The following HDHD5 variants were observed in gnomAD, a reference collection of about 807,000 sequenced individuals.
The protein encoded by HDHD5 is haloacid dehalogenase-like hydrolase domain-containing 5.
In HDHD5, 34 loss-of-function variants were observed where a neutral mutation model predicts 35.5. The observed-to-expected ratio is 0.96, with a 90% CI of 0.73 to 1.28. HDHD5 has a LOEUF of 1.28. Among genes scored for constraint, HDHD5 ranks in the 50% most tolerant of loss-of-function variants. The pLI is 0.00. For missense variants in HDHD5, 589 were observed against 560.2 expected (o/e 1.05, Z -0.52); for synonymous variants, 248 against 240.6 (o/e 1.03, Z -0.29).
chr22:17,158,964 C>G (rs1015426143), intron 1 of HDHD5, 162 bp downstream of exon 1: 21 of 597,448 alleles, frequency 3.5e-5, no homozygotes, highest in Non-Finnish European at 4.7e-5. Context: ...CAGGGCGCAT[C>G]CGCCCTCCAG....
At position 17,138,138 on chromosome 22, in the gene HDHD5, G is replaced by A; in HGVS notation, c.1155C>T (p.Phe385=). The A allele has an allele frequency of 6.2e-7, 1 of 1,614,168 alleles. No individual in the cohort carries two copies. Among genetic ancestry groups the A allele is most frequent in the Non-Finnish European group, 8.5e-7 (1 of 1,180,014 alleles). The change falls in exon 8 of 8, where the codon TTC becomes TTT. Residue 385 remains phenylalanine, a synonymous_variant. Coordinates refer to ENST00000336737, the MANE Select transcript of HDHD5 (RefSeq NM_033070.3). The part of the protein sequence containing the change: ...EPVLGGGEPP[F]HGHRDLCFSP... The stretch of plus-strand genomic sequence containing the variant: ...TGAAGCATAAGTCTCGGTGCCCGTG[G>A]AATGGAGGCTCCCCTCCTCCAAGGA...
chr22:17,155,572 T>C (rs1432979333), intron 1 of HDHD5, among the ~76,000 whole-genome samples: 1 of 152,102 alleles, frequency 6.6e-6, no homozygotes, highest in South Asian at 2.1e-4. Context: ...AAAATAAGAA[T>C]CCATAGCCCC....
upstream of HDHD5, among the ~76,000 whole-genome samples, chr22:17,163,331 T>C (rs1203957627): frequency 5.3e-5 from 8 of 152,206 alleles, no homozygotes; most frequent in Admixed American, 1.3e-4. Context: ...AACTTGAGCA[T>C]CCATCAGAAT....
chr22:17,138,483 G>C, intron 7 of HDHD5, 67 bp downstream of exon 7: 1 of 1,551,630 alleles, frequency 6.4e-7, no homozygotes, highest in South Asian at 1.2e-5. Flanking sequence ...AAATGGGGGT[G>C]AGAGTAGAGG....
chr22:17,149,801 C>T, intron 1 of HDHD5, 56 bp from the exon 2 acceptor site: 1 of 1,505,624 alleles, frequency 6.6e-7, no homozygotes, highest in Non-Finnish European at 9.2e-7. Context: ...ACAACCCTTA[C>T]AAAGAGAGGC....
upstream of HDHD5, among the ~76,000 whole-genome samples, chr22:17,162,799 G>A (rs5994185): frequency 0.89 from 135,688 of 152,296 alleles, 60,670 homozygotes; most frequent in African/African-American, 0.95. Context: ...TCTACCCTGT[G>A]CTATTCTAGG....
chr22:17,149,417 T>C, intron 2 of HDHD5, 125 bp downstream of exon 2: 2 of 812,126 alleles, frequency 2.5e-6, no homozygotes, highest in Non-Finnish European at 4.0e-6. Flanking sequence ...TGTGTTCAGC[T>C]GTGGCCATGA....
In HDHD5 at chr22:17,138,318, GA is replaced by G. The variant is rs748998580; in HGVS notation, c.974del (p.Phe325SerfsTer16). 1 of 1,613,968 alleles carries G rather than the reference GA, an allele frequency of 6.2e-7. No individual in the cohort carries two copies. The highest frequency in any genetic ancestry group is 8.5e-7 in the Non-Finnish European group (1 of 1,180,048). On this transcript the variant is annotated frameshift_variant, in exon 8 of 8. Coordinates refer to ENST00000336737, the MANE Select transcript of HDHD5 (RefSeq NM_033070.3). LOFTEE classifies it low-confidence loss of function (END_TRUNC). ...GCGTTGCCTTCTGCAGGTACTGGTG[GA>G]ACAGGTTGGCGCCGTATACGTCAGA... ...PMSDVYGANL[F>X]HQYLQKATHD...
At chr22:17,150,301 CA>C (rs2061711897) in intron 1 of HDHD5, among the ~76,000 whole-genome samples, 1 of 152,010 alleles carries the variant, frequency 6.6e-6, no homozygotes, top group Admixed American at 6.5e-5. Context: ...TTTATTATAG[CA>C]AAAAGTTAAA....
At chr22:17,152,652 C>T (rs2061740345) in intron 1 of HDHD5, among the ~76,000 whole-genome samples, 1 of 152,010 alleles carries the variant, frequency 6.6e-6, no homozygotes, top group Non-Finnish European at 1.5e-5. Context: ...TTTGGAAGGT[C>T]TCGCCTCTCA....
At position 17,148,565 on chromosome 22, in the gene HDHD5, A is replaced by G. The variant is rs2123864812; in HGVS notation, c.331-5T>C. On this transcript the variant is annotated splice_region_variant and splice_polypyrimidine_tract_variant and intron_variant, in intron 2 of 7. Transcript: ENST00000336737. ...GATAACTTGGTCTGCATCCACCTGT[A>G]GGGACAGCCAAGACAGGGGAGGGCA... 1 of 1,606,398 alleles carries G rather than the reference A, an allele frequency of 6.2e-7. No homozygotes were observed. The highest frequency in any genetic ancestry group is 8.5e-7 in the Non-Finnish European group (1 of 1,172,984).
At chr22:17,161,505 G>A, upstream of HDHD5, among the ~76,000 whole-genome samples, 1 of 151,778 alleles carries the variant, frequency 6.6e-6, no homozygotes, top group East Asian at 1.9e-4. Flanking sequence ...GTTGCAGAGA[G>A]CTGAGCTGAG....
chr22:17,159,091 G>A (rs2061837487), intron 1 of HDHD5, 35 bp downstream of exon 1: 3 of 1,241,398 alleles, frequency 2.4e-6, no homozygotes, highest in Non-Finnish European at 3.0e-6. Flanking sequence ...GGCCCTGAGT[G>A]GCGAGTGGCT....
chr22:17,137,969 TG>T lies in HDHD5; in HGVS notation c.*51del. ...AGTGATCAGGCCAGAGCCCAGCCAATGGGACTCGCCCACAGGTCCAGGCTCA... is the reference window on the plus strand; with the variant it reads ...AGTGATCAGGCCAGAGCCCAGCCAATGGACTCGCCCACAGGTCCAGGCTCA... On this transcript the variant is annotated 3_prime_UTR_variant, in exon 8 of 8. Transcript: ENST00000336737. The T allele has an allele frequency of 6.7e-7, 1 of 1,490,550 alleles. No homozygotes were observed. Among genetic ancestry groups the T allele is most frequent in the Non-Finnish European group, 9.2e-7 (1 of 1,090,970 alleles). The allele number at this position is 1,490,550 out of a possible 1,614,324, so 92.3% of individuals were successfully genotyped here. A position where few individuals can be genotyped will look rare whatever the true frequency, so the allele number is the denominator to read the frequency against.
At chr22:17,152,980 G>A (rs557628754) in intron 1 of HDHD5, among the ~76,000 whole-genome samples, 26 of 152,012 alleles carry the variant, frequency 1.7e-4, no homozygotes, top group African/African-American at 5.8e-4. Flanking sequence ...GAAGCAACTC[G>A]AGCCAACAAG....
chr22:17,156,208 G>A (rs2061788216), intron 1 of HDHD5, among the ~76,000 whole-genome samples: 1 of 152,134 alleles, frequency 6.6e-6, no homozygotes, highest in Non-Finnish European at 1.5e-5. Flanking sequence ...CCTTCTAATG[G>A]GACATGGTGT....
intron 1 of HDHD5, among the ~76,000 whole-genome samples, chr22:17,155,150 A>G (rs935213175): frequency 2.4e-4 from 36 of 152,138 alleles, no homozygotes; most frequent in African/African-American, 8.7e-4. Context: ...GTTAAAAAAC[A>G]GCTCATTTGT....
intron 1 of HDHD5, among the ~76,000 whole-genome samples, chr22:17,155,027 A>G (rs2061771289): frequency 6.6e-6 from 1 of 152,170 alleles, no homozygotes; most frequent in Non-Finnish European, 1.5e-5. Flanking sequence ...CAAAAAAAGG[A>G]GGAGGGAGAT....
At chr22:17,147,430 A>G (rs1394224833) in intron 3 of HDHD5, among the ~76,000 whole-genome samples, 1 of 121,450 alleles carries the variant, frequency 8.2e-6, no homozygotes. Context: ...CCCTCCTGTG[A>G]GCTTACCGGC....
Sources: gnomAD v4.1 joint callset for allele counts (sites outside exome capture counted in the v4.1 genomes callset) on GRCh38, gnomAD v4.1.1 for gene constraint, MANE v1.5 for transcripts, NCBI Gene and HGNC (gene_info 2026-07-23, HGNC 2026-07-21) for gene names.